Variants in ITGB5 observed in about 807,000 individuals in gnomAD.
The protein encoded by ITGB5 is integrin subunit beta 5.
ITGB5 carries 38 observed loss-of-function variants against 84.8 expected under a neutral mutation model. The observed-to-expected ratio is 0.45, with a 90% CI of 0.35 to 0.59. The LOEUF is 0.59. ITGB5 is among the 20% of genes least tolerant of loss of function. ITGB5 has a pLI of 0.01. For synonymous variants in ITGB5, 393 were observed against 414.4 expected (o/e 0.95, Z 0.63); for missense variants, 905 against 1,034.5 (o/e 0.87, Z 1.72).
intron 9 of ITGB5, 73 bp from the exon 10 acceptor site, chr3:124,796,890 C>T: frequency 1.4e-6 from 2 of 1,459,532 alleles, no homozygotes; most frequent in South Asian, 2.7e-5. Flanking sequence ...GGGGCAGGGC[C>T]CTTGATGAAG....
chr3:124,785,807 A>G (rs1294420763), intron 10 of ITGB5, among the ~76,000 whole-genome samples: 1 of 152,196 alleles, frequency 6.6e-6, no homozygotes, highest in Non-Finnish European at 1.5e-5. Context: ...AGAGAAACTC[A>G]CTTAGGAAAA....
intron 2 of ITGB5, chr3:124,863,443 G>A (rs963287697): frequency 1.3e-5 from 2 of 152,250 alleles, no homozygotes; most frequent in African/African-American, 4.8e-5. Context: ...GGAACTGAGA[G>A]TGCTGCGGAC....
chr3:124,829,673 C>T (rs1302863378), intron 5 of ITGB5, among the ~76,000 whole-genome samples: 2 of 152,212 alleles, frequency 1.3e-5, no homozygotes, highest in African/African-American at 4.8e-5. Flanking sequence ...ATCTCACCAT[C>T]CCAAGGGAAG....
chr3:124,878,571 G>GC (rs398082430), intron 1 of ITGB5: 1 of 151,920 alleles, frequency 6.6e-6, no homozygotes, highest in East Asian at 1.9e-4. Flanking sequence ...TGGACTGGGG[G>GC]GATGCTAGAA....
chr3:124,831,385 G>A (rs1340537058), intron 5 of ITGB5, among the ~76,000 whole-genome samples: 1 of 152,162 alleles, frequency 6.6e-6, no homozygotes, highest in Non-Finnish European at 1.5e-5. Flanking sequence ...ACTGGCTCAT[G>A]TTAAGCCTGG....
chr3:124,801,818 T>C (rs924688544), intron 9 of ITGB5, among the ~76,000 whole-genome samples: 7 of 152,338 alleles, frequency 4.6e-5, no homozygotes, highest in Admixed American at 6.5e-5. Context: ...TTCACCACTG[T>C]GGCCCAAGCC....
At chr3:124,861,188 G>T (rs2065291724) in intron 2 of ITGB5, among the ~76,000 whole-genome samples, 1 of 150,834 alleles carries the variant, frequency 6.6e-6, no homozygotes, top group African/African-American at 2.5e-5. Flanking sequence ...ATTCTGGGTT[G>T]TTTTTTTTTA....
At position 124,852,079 on chromosome 3, in the gene ITGB5, G is replaced by A. The variant is rs980578598; in HGVS notation, c.362-3521C>T. ...CTCTCCTCCCTTCCAACTCCTTCCCGGCCACGCTGCTTTCCTTTAAAAACA... is the reference window on the plus strand; with the variant it reads ...CTCTCCTCCCTTCCAACTCCTTCCCAGCCACGCTGCTTTCCTTTAAAAACA... On this transcript the variant is annotated intron_variant, in intron 3 of 14. Transcript: ENST00000296181. Among the ~76,000 whole-genome samples the A allele has an allele frequency of 5.9e-5, 9 of 152,036 alleles. No individual in the cohort carries two copies. The South Asian group carries it at 6.2e-4, about 11-fold the overall frequency.
chr3:124,764,174 T>C (rs888926619), intron 14 of ITGB5, among the ~76,000 whole-genome samples: 1 of 152,206 alleles, frequency 6.6e-6, no homozygotes, highest in Non-Finnish European at 1.5e-5. Flanking sequence ...CCCCATGACC[T>C]TCCTGACCTG....
intron 5 of ITGB5, among the ~76,000 whole-genome samples, chr3:124,833,197 C>T (rs934289297): frequency 2.6e-5 from 4 of 152,154 alleles, no homozygotes; most frequent in African/African-American, 9.7e-5. Flanking sequence ...TACAGACATT[C>T]CTCTTGAGCT....
At chr3:124,829,896 C>T (rs2064835491) in intron 5 of ITGB5, among the ~76,000 whole-genome samples, 1 of 152,190 alleles carries the variant, frequency 6.6e-6, no homozygotes, top group Non-Finnish European at 1.5e-5. Flanking sequence ...ATTTCCTCCT[C>T]TCAGTTCCTT....
intron 2 of ITGB5, among the ~76,000 whole-genome samples, chr3:124,871,904 G>A (rs1484707130): frequency 6.6e-6 from 1 of 151,728 alleles, no homozygotes; most frequent in Non-Finnish European, 1.5e-5. Context: ...AAAAAGCCAG[G>A]AAGGCTCTCC....
chr3:124,786,560 G>C (rs2064084661), intron 10 of ITGB5, among the ~76,000 whole-genome samples: 1 of 152,144 alleles, frequency 6.6e-6, no homozygotes. Context: ...TGGTGGCTAT[G>C]GGGTGGAGTG....
intron 4 of ITGB5, among the ~76,000 whole-genome samples, chr3:124,846,041 G>T (rs2065073493): frequency 6.6e-6 from 1 of 152,190 alleles, no homozygotes; most frequent in Non-Finnish European, 1.5e-5. Context: ...CGTGGTTAAA[G>T]AATTTAGAGT....
intron 1 of ITGB5, among the ~76,000 whole-genome samples, chr3:124,877,245 C>G (rs1296766599): frequency 6.6e-6 from 1 of 150,970 alleles, no homozygotes; most frequent in African/African-American, 2.4e-5. Flanking sequence ...TCCCAAAGTG[C>G]TAGGATTACA....
intron 5 of ITGB5, among the ~76,000 whole-genome samples, chr3:124,837,374 C>T (rs1287177716): frequency 6.6e-6 from 1 of 152,194 alleles, no homozygotes; most frequent in Non-Finnish European, 1.5e-5. Flanking sequence ...TAAACAGGTT[C>T]AATCATAGGC....
upstream of ITGB5, chr3:124,887,606 C>A (rs776098221): frequency 1.3e-4 from 50 of 391,682 alleles, no homozygotes; most frequent in Non-Finnish European, 2.3e-4. Context: ...TCACTTGGGG[C>A]GTGGGGGGCT....
At chr3:124,823,692 TAA>T (rs1324116791) in intron 5 of ITGB5, among the ~76,000 whole-genome samples, 2 of 151,092 alleles carry the variant, frequency 1.3e-5, no homozygotes, top group South Asian at 2.1e-4. Context: ...TACATTTTGA[TAA>T]AGAGTTAAAA....
At chr3:124,873,015 G>A (rs987331113) in intron 2 of ITGB5, among the ~76,000 whole-genome samples, 5 of 149,784 alleles carry the variant, frequency 3.3e-5, no homozygotes, top group African/African-American at 1.2e-4. Context: ...TTCCATAAAG[G>A]CTAATTCCTA....
Sources: gnomAD v4.1 joint callset for allele counts (sites outside exome capture counted in the v4.1 genomes callset) on GRCh38, gnomAD v4.1.1 for gene constraint, MANE v1.5 for transcripts, NCBI Gene and HGNC (gene_info 2026-07-23, HGNC 2026-07-21) for gene names.